The following ADGRB3 variants were observed in gnomAD, a reference collection of about 807,000 sequenced individuals.
ADGRB3 encodes brain-specific angiogenesis inhibitor 3.
A neutral mutation model predicts 193.4 loss-of-function variants in ADGRB3; 37 were observed. The observed-to-expected ratio is 0.19, with a 90% CI of 0.15 to 0.25. ADGRB3 has a LOEUF of 0.25. Among genes scored for constraint, ADGRB3 ranks in the 10% least tolerant of loss-of-function variants. ADGRB3 has a pLI of 1.00. For synonymous variants in ADGRB3, 690 were observed against 644.2 expected (o/e 1.07, Z -1.08); for missense variants, 1,637 against 1,852.9 (o/e 0.88, Z 2.14).
chr6:69,229,143 T>A (rs1766081740), intron 17 of ADGRB3, among the ~76,000 whole-genome samples: 1 of 152,186 alleles, frequency 6.6e-6, no homozygotes, highest in Non-Finnish European at 1.5e-5. Context: ...TAGTAACAGC[T>A]GCTGAAAAAA....
chr6:69,347,966 T>C (rs191544480), intron 26 of ADGRB3, among the ~76,000 whole-genome samples: 2 of 152,208 alleles, frequency 1.3e-5, no homozygotes, highest in Admixed American at 1.3e-4. Flanking sequence ...TTCCAAGAAT[T>C]CACCAACCTC....
intron 3 of ADGRB3, among the ~76,000 whole-genome samples, chr6:68,744,931 A>G (rs1766053944): frequency 6.6e-6 from 1 of 152,166 alleles, no homozygotes; most frequent in South Asian, 2.1e-4. Flanking sequence ...AAAGAACCCA[A>G]TCTGAAAATC....
At chr6:69,236,000 C>A (rs1051610275) in intron 19 of ADGRB3, among the ~76,000 whole-genome samples, 3 of 151,204 alleles carry the variant, frequency 2.0e-5, no homozygotes, top group Non-Finnish European at 4.4e-5. Context: ...AGAAAATTAC[C>A]TAATATTTTC....
At chr6:69,271,221 A>G (rs546512136) in intron 20 of ADGRB3, among the ~76,000 whole-genome samples, 54 of 152,304 alleles carry the variant, frequency 3.5e-4, no homozygotes, top group African/African-American at 1.3e-3. Context: ...GATGGTGGTT[A>G]CCACAGGTTG....
chr6:69,250,256 T>G (rs1357406957), intron 20 of ADGRB3, among the ~76,000 whole-genome samples: 1 of 152,212 alleles, frequency 6.6e-6, no homozygotes. Context: ...TGATTTTTCC[T>G]AATGAATAGA....
intron 17 of ADGRB3, among the ~76,000 whole-genome samples, chr6:69,194,409 C>T (rs372571928): frequency 6.6e-6 from 1 of 152,092 alleles, no homozygotes; most frequent in Non-Finnish European, 1.5e-5. Flanking sequence ...TGGTTAGATG[C>T]TCTTCAGATT....
chr6:69,342,534 T>G (rs1265951570), intron 26 of ADGRB3, among the ~76,000 whole-genome samples: 1 of 152,082 alleles, frequency 6.6e-6, no homozygotes, highest in Non-Finnish European at 1.5e-5. Flanking sequence ...ACACCAAAAT[T>G]CTTTTTGACC....
intron 23 of ADGRB3, among the ~76,000 whole-genome samples, chr6:69,331,086 T>A (rs927861238): frequency 2.6e-5 from 4 of 152,132 alleles, no homozygotes; most frequent in African/African-American, 9.7e-5. Context: ...GCATCCTTCT[T>A]CTCTACCTAC....
intron 10 of ADGRB3, among the ~76,000 whole-genome samples, chr6:68,992,847 A>G (rs918324287): frequency 4.6e-5 from 7 of 152,176 alleles, no homozygotes; most frequent in African/African-American, 1.4e-4. Flanking sequence ...GGTAATTGCA[A>G]TTAATGTACT....
At position 68,639,229 on chromosome 6, in the gene ADGRB3, G is replaced by A. The variant is rs762265433; in HGVS notation, c.554G>A (p.Arg185Lys). 5 of 1,614,010 alleles carry A rather than the reference G, an allele frequency of 3.1e-6. No homozygotes were observed. In the African/African-American group the frequency reaches 6.7e-5, roughly 22 times the overall value. ...AGCTGCTTAAAATCAGAAAATGGGAGAACAGAATCATGTGGGATCATGTAT... is the reference window on the plus strand; with the variant it reads ...AGCTGCTTAAAATCAGAAAATGGGAAAACAGAATCATGTGGGATCATGTAT... ...LESCLKSENGRTESCGIMYTK... is the reference protein window; with the variant it reads ...LESCLKSENGKTESCGIMYTK... The change falls in exon 3 of 32, where the codon AGA (arginine) becomes AAA (lysine). Residue 185 changes from arginine to lysine, a missense_variant. Arg to Lys is a conservative substitution (Grantham distance 26, BLOSUM62 2). Transcript: ENST00000370598.
chr6:69,334,438 C>T (rs942874421), intron 24 of ADGRB3, among the ~76,000 whole-genome samples: 8 of 152,050 alleles, frequency 5.3e-5, no homozygotes, highest in Non-Finnish European at 1.0e-4. Flanking sequence ...AATGCAATAG[C>T]GTAATAAAAA....
intron 17 of ADGRB3, chr6:69,232,544 C>G (rs1244524333): frequency 6.5e-7 from 1 of 1,535,648 alleles, no homozygotes; most frequent in East Asian, 2.4e-5. Context: ...GCTTCTGCCC[C>G]AGGGCAAAGA....
intron 17 of ADGRB3, among the ~76,000 whole-genome samples, chr6:69,173,119 C>T (rs1775330608): frequency 6.6e-6 from 1 of 152,216 alleles, no homozygotes. Flanking sequence ...CTCACTACAA[C>T]CTCTGCCTCC....
intron 6 of ADGRB3, among the ~76,000 whole-genome samples, chr6:68,952,730 C>A (rs1035078171): frequency 2.0e-5 from 3 of 152,020 alleles, no homozygotes; most frequent in Admixed American, 1.3e-4. Flanking sequence ...AAAATAAAAT[C>A]GCAAAAAATG....
intron 17 of ADGRB3, among the ~76,000 whole-genome samples, chr6:69,191,445 A>G (rs1416780974): frequency 1.3e-5 from 2 of 152,312 alleles, no homozygotes; most frequent in African/African-American, 4.8e-5. Flanking sequence ...AAATAAAATT[A>G]TTCACTTCTG....
chr6:68,954,544 A>G (rs1489026037), intron 6 of ADGRB3, among the ~76,000 whole-genome samples: 1 of 152,018 alleles, frequency 6.6e-6, no homozygotes, highest in Admixed American at 6.6e-5. Flanking sequence ...GTAACTTTCT[A>G]ATCTCTCCAA....
At chr6:68,776,515 G>C (rs531718479) in intron 3 of ADGRB3, among the ~76,000 whole-genome samples, 15 of 152,178 alleles carry the variant, frequency 9.9e-5, no homozygotes, top group Admixed American at 5.2e-4. Flanking sequence ...AGAAATATGT[G>C]CACCCAGACT....
chr6:69,160,615 A>C (rs1774958048), intron 17 of ADGRB3, among the ~76,000 whole-genome samples: 1 of 151,996 alleles, frequency 6.6e-6, no homozygotes, highest in Non-Finnish European at 1.5e-5. Flanking sequence ...CGTATTTTTC[A>C]ATTATTTCTT....
chr6:69,123,335 C>T (rs1320574991), intron 17 of ADGRB3, among the ~76,000 whole-genome samples: 1 of 152,078 alleles, frequency 6.6e-6, no homozygotes, highest in Non-Finnish European at 1.5e-5. Context: ...ATCTCACCTG[C>T]CTTACAAGTT....
Sources: allele counts gnomAD v4.1 joint callset (sites outside exome capture counted in the v4.1 genomes callset), GRCh38; gene constraint gnomAD v4.1.1; transcripts MANE v1.5; gene names NCBI Gene and HGNC (gene_info 2026-07-23, HGNC 2026-07-21).